The following TBXAS1 variants were observed in gnomAD, a reference collection of about 807,000 sequenced individuals.
The protein encoded by TBXAS1 is thromboxane-A synthase.
Under a neutral mutation model 60.7 loss-of-function variants are expected in TBXAS1, and 48 were observed. The ratio of observed to expected loss-of-function variants is 0.79; its 90% confidence interval spans 0.63 to 1.01. The LOEUF is 1.01. Among genes scored for constraint, TBXAS1 ranks in the 50% least tolerant of loss-of-function variants. TBXAS1 has a pLI of 0.00. For missense variants in TBXAS1, 685 were observed against 686.3 expected (o/e 1.00, Z 0.02); for synonymous variants, 287 against 269.7 (o/e 1.06, Z -0.63).
chr7:139,905,005 CTCTTTCTTTCTTTCTT>C lies in TBXAS1; in HGVS notation c.237-6180_237-6165del, dbSNP rs775007248. 3.0e-3 allele frequency among the ~76,000 whole-genome samples: 270 copies of C among 90,470 alleles called. 1 individual carries two copies. The highest frequency in any genetic ancestry group is 0.01 in the Middle Eastern group (2 of 200). The allele number at this position is 90,470 out of a possible 152,430, so 59.4% of individuals were successfully genotyped here. A position where few individuals can be genotyped will look rare whatever the true frequency, so the allele number is the denominator to read the frequency against. On this transcript the variant is annotated intron_variant, in intron 3 of 12. Coordinates refer to ENST00000448866, the MANE Select transcript of TBXAS1 (RefSeq NM_001061.7). ...TCTCTTTCTCTCTTTCTCTCTTTCTCTCTTTCTTTCTTTCTTTCTTTCTTTCTTTCTTTCTTTCTTT... is the reference window on the plus strand; with the variant it reads ...TCTCTTTCTCTCTTTCTCTCTTTCTCTCTTTCTTTCTTTCTTTCTTTCTTT...
At chr7:139,991,114 G>A (rs755834117) in intron 9 of TBXAS1, among the ~76,000 whole-genome samples, 21 of 152,166 alleles carry the variant, frequency 1.4e-4, no homozygotes, top group Admixed American at 7.9e-4. Context: ...GAGAGCGTGC[G>A]CTCCAATAAA....
At chr7:139,951,551 T>C (rs182081004) in intron 5 of TBXAS1, among the ~76,000 whole-genome samples, 2 of 120,044 alleles carry the variant, frequency 1.7e-5, no homozygotes, top group East Asian at 2.4e-4. Flanking sequence ...AGGTCAGGAG[T>C]TCTAGATCAG....
rs8192840 is a variant in TBXAS1 at position 139,969,592 on chromosome 7, G to GA, written c.1134+7369dup. Among the ~76,000 whole-genome samples, 1,029 of 150,036 alleles carry GA rather than the reference G, an allele frequency of 6.9e-3. 21 individuals are homozygous for GA. The highest frequency in any genetic ancestry group is 0.04 in the East Asian group (204 of 5,154). Reference sequence around the variant, plus strand: ...TTAACACAAATCTATCCTCACTATGGAAAAAAAAAATGTCTTCCCATGTGG... The same window carrying GA: ...TTAACACAAATCTATCCTCACTATGGAAAAAAAAAAATGTCTTCCCATGTGG... On this transcript the variant is annotated intron_variant, in intron 9 of 12. Transcript: ENST00000448866.
At chr7:139,913,282 T>A in intron 4 of TBXAS1, 1 of 617,642 alleles carries the variant, frequency 1.6e-6, no homozygotes, top group East Asian at 2.8e-5. Flanking sequence ...AAGAAACTGA[T>A]TCTGATTATT....
intron 9 of TBXAS1, among the ~76,000 whole-genome samples, chr7:140,005,843 A>G (rs1662337704): frequency 6.6e-6 from 1 of 152,214 alleles, no homozygotes; most frequent in Non-Finnish European, 1.5e-5. Context: ...TCAAGACTCC[A>G]TGTGTCCTGG....
At chr7:139,843,318 T>G (rs1046106251) in intron 1 of TBXAS1, among the ~76,000 whole-genome samples, 1 of 136,058 alleles carries the variant, frequency 7.3e-6, no homozygotes, top group African/African-American at 2.9e-5. Context: ...CTTACTACTT[T>G]ACTTTATTTA....
chr7:139,907,146 A>G (rs77003680), intron 3 of TBXAS1, among the ~76,000 whole-genome samples: 1 of 152,194 alleles, frequency 6.6e-6, no homozygotes, highest in East Asian at 1.9e-4. Flanking sequence ...AGTCTTTCAC[A>G]TTAAGTATGA....
chr7:140,019,647 C>G (rs950991519), intron 12 of TBXAS1, among the ~76,000 whole-genome samples: 2 of 152,182 alleles, frequency 1.3e-5, no homozygotes, highest in Non-Finnish European at 2.9e-5. Flanking sequence ...CCCAACTCCT[C>G]GAGTAATTCT....
chr7:139,824,829 C>CTT (rs1192880390), upstream of TBXAS1, among the ~76,000 whole-genome samples: 11 of 38,858 alleles, frequency 2.8e-4, no homozygotes, highest in Admixed American at 1.0e-3. Context: ...TTTTCCTTTT[C>CTT]TTTTTTTTTT....
chr7:139,877,408 T>C (rs1802326099), intron 3 of TBXAS1, among the ~76,000 whole-genome samples: 1 of 151,508 alleles, frequency 6.6e-6, no homozygotes, highest in African/African-American at 2.4e-5. Context: ...TTTTTGTTTT[T>C]GTTTTTTGTT....
chr7:139,806,523 A>G (rs984218061), intron 4 of TBXAS1, among the ~76,000 whole-genome samples: 1 of 151,900 alleles, frequency 6.6e-6, no homozygotes, highest in Admixed American at 6.6e-5. Context: ...TTGGCCTCCC[A>G]AAGTGCTGGG....
intron 4 of TBXAS1, among the ~76,000 whole-genome samples, chr7:139,925,611 C>T (rs1236469773): frequency 6.6e-6 from 1 of 152,134 alleles, no homozygotes; most frequent in Non-Finnish European, 1.5e-5. Context: ...TTGACTTCTT[C>T]CTTTCTAATT....
Position 139,986,783 on chromosome 7 carries a change from G to GTA in TBXAS1, c.1135-20307_1135-20306insAT, listed in dbSNP as rs1569522792. On this transcript the variant is annotated intron_variant, in intron 9 of 12. Coordinates refer to ENST00000448866, the MANE Select transcript of TBXAS1 (RefSeq NM_001061.7). ...TGTGTGTGTGTGTGTGTGTGTGTGT[G>GTA]TGTGTGTGTGTGTGTGTATATATAT... 4.1e-3 allele frequency among the ~76,000 whole-genome samples: 206 copies of GTA among 50,638 alleles called. 4 individuals are homozygous for GTA. The Admixed American group carries it at 0.05, about 12-fold the overall frequency. The allele number at this position is 50,638 out of a possible 152,430, so 33.2% of individuals were successfully genotyped here.
At chr7:139,860,594 C>T (rs1800891961) in intron 1 of TBXAS1, among the ~76,000 whole-genome samples, 2 of 152,118 alleles carry the variant, frequency 1.3e-5, no homozygotes, top group South Asian at 2.1e-4. Context: ...ATAAAAAGGA[C>T]ACAGGAGTTG....
At chr7:139,817,319 A>G (rs1382440230) in intron 4 of TBXAS1, among the ~76,000 whole-genome samples, 1 of 151,572 alleles carries the variant, frequency 6.6e-6, no homozygotes, top group Non-Finnish European at 1.5e-5. Flanking sequence ...CCACCTGTAC[A>G]TGCATGCACA....
chr7:139,889,790 C>T (rs1025441300), intron 3 of TBXAS1, among the ~76,000 whole-genome samples: 5 of 152,208 alleles, frequency 3.3e-5, no homozygotes, highest in South Asian at 2.1e-4. Flanking sequence ...ACCCATTTGT[C>T]CCCCAAAGAC....
At chr7:140,017,862 C>G in intron 12 of TBXAS1, 29 bp downstream of exon 12, 1 of 1,613,922 alleles carries the variant, frequency 6.2e-7, no homozygotes. Context: ...GAGGCAGGGG[C>G]AGGGGCAGGG....
chr7:139,825,275 G>A (rs975104523), upstream of TBXAS1, among the ~76,000 whole-genome samples: 1 of 152,062 alleles, frequency 6.6e-6, no homozygotes, highest in Non-Finnish European at 1.5e-5. Flanking sequence ...TACCAAAATT[G>A]TAATACATCC....
intron 9 of TBXAS1, among the ~76,000 whole-genome samples, chr7:139,977,808 A>G (rs2117485269): frequency 6.6e-6 from 1 of 152,360 alleles, no homozygotes; most frequent in South Asian, 2.1e-4. Context: ...CCATCGTAAC[A>G]GTAAACATTT....
Sources: allele counts gnomAD v4.1 joint callset (sites outside exome capture counted in the v4.1 genomes callset), GRCh38; gene constraint gnomAD v4.1.1; transcripts MANE v1.5; gene names NCBI Gene and HGNC (gene_info 2026-07-23, HGNC 2026-07-21).